CLUL1: variants seen among roughly 807,000 people sequenced by gnomAD.
CLUL1 encodes clusterin like 1.
CLUL1 carries 43 observed loss-of-function variants against 49.4 expected under a neutral mutation model. The ratio of observed to expected loss-of-function variants is 0.87; its 90% CI spans 0.68 to 1.12. The LOEUF is 1.12. Ranked by LOEUF, CLUL1 falls within the 50% of genes most tolerant of loss-of-function variation. CLUL1 has a pLI of 0.00. For synonymous variants in CLUL1, 192 were observed against 184.9 expected, an observed-to-expected ratio of 1.04 and a Z score of -0.31; for missense variants, 486 against 544.4, an observed-to-expected ratio of 0.89 and a Z score of 1.07.
intron 9 of CLUL1, among the ~76,000 whole-genome samples, chr18:645,725 C>T (rs1469521011): frequency 1.4e-5 from 2 of 139,576 alleles, no homozygotes; most frequent in African/African-American, 2.7e-5. Context: ...ACCCGGGAGG[C>T]AGAGCTTGCA....
At chr18:647,169 G>C (rs1199741873) in intron 9 of CLUL1, among the ~76,000 whole-genome samples, 4 of 148,506 alleles carry the variant, frequency 2.7e-5, no homozygotes, top group African/African-American at 9.9e-5. Flanking sequence ...GGATGGCATG[G>C]GCAAATACGG....
At chr18:630,899 G>C (rs1357661926) in intron 6 of CLUL1, among the ~76,000 whole-genome samples, 1 of 150,600 alleles carries the variant, frequency 6.6e-6, no homozygotes, top group Admixed American at 6.6e-5. Context: ...CTTGATTTTA[G>C]CCTAGGGAGA....
At chr18:622,531 T>G (rs2073520230) in intron 4 of CLUL1, among the ~76,000 whole-genome samples, 1 of 152,198 alleles carries the variant, frequency 6.6e-6, no homozygotes, top group Non-Finnish European at 1.5e-5. Flanking sequence ...ATCTGCCAGT[T>G]GGTACAATGT....
intron 9 of CLUL1, among the ~76,000 whole-genome samples, chr18:647,843 A>G (rs2074551889): frequency 6.6e-6 from 1 of 152,120 alleles, no homozygotes; most frequent in Admixed American, 6.5e-5. Context: ...CAACTCTTGT[A>G]AGTTGACATT....
In CLUL1 at chr18:618,891, T is replaced by A. The variant is rs1037617285; in HGVS notation, c.107-322T>A. 2.6e-5 allele frequency among the ~76,000 whole-genome samples: 4 copies of A among 151,904 alleles called. No individual in the cohort carries two copies. Among genetic ancestry groups the A allele is most frequent in the Admixed American group, 6.6e-5 (1 of 15,232 alleles). On this transcript the variant is annotated intron_variant, in intron 3 of 9. Coordinates refer to ENST00000692774, the MANE Select transcript of CLUL1 (RefSeq NM_001393344.1). This position sits in a 1 kb window ranked among gnomAD's most constrained non-coding sequence, Gnocchi z 4.2. ...TATAAATTATGAAGAAAATGCAAAA[T>A]TTTCTCTAATATAAACACACTTGAG...
At chr18:610,649 G>T (rs1211181377) in intron 2 of CLUL1, among the ~76,000 whole-genome samples, 1 of 152,168 alleles carries the variant, frequency 6.6e-6, no homozygotes, top group Non-Finnish European at 1.5e-5. Context: ...GACAGAGGAA[G>T]AAGGGTCAGG....
rs941102837 is a variant in CLUL1 at position 606,172 on chromosome 18, C to T, written c.-135-806C>T. On this transcript the variant is annotated intron_variant, in intron 1 of 9. Transcript: ENST00000692774. This position sits in a 1 kb window ranked among gnomAD's most constrained non-coding sequence, Gnocchi z 4.1. The stretch of plus-strand genomic sequence containing the variant: ...GGTATTTAGCGCCTCTGGCTGGGAA[C>T]GGCTTCCCCATGCTCCTAGGTCAGG... Among the ~76,000 whole-genome samples, 5 of 152,090 alleles carry T rather than the reference C, an allele frequency of 3.3e-5. No homozygotes were observed. Among genetic ancestry groups the T allele is most frequent in the African/African-American group, 4.8e-5 (2 of 41,424 alleles).
intron 4 of CLUL1, among the ~76,000 whole-genome samples, chr18:621,739 C>T (rs540205787): frequency 6.6e-6 from 1 of 152,314 alleles, no homozygotes; most frequent in East Asian, 1.9e-4. Flanking sequence ...TAACATGTTA[C>T]TCCAACACTG....
At chr18:608,338 C>G (rs753525608) in intron 2 of CLUL1, among the ~76,000 whole-genome samples, 1 of 152,156 alleles carries the variant, frequency 6.6e-6, no homozygotes, top group Non-Finnish European at 1.5e-5. Flanking sequence ...ATGTTTTATT[C>G]CAGAACCCTG....
At chr18:613,532 G>T (rs1022527771) in intron 2 of CLUL1, among the ~76,000 whole-genome samples, 1 of 150,548 alleles carries the variant, frequency 6.6e-6, no homozygotes, top group Non-Finnish European at 1.5e-5. Flanking sequence ...TCAGCTCACA[G>T]AAACCTCCGC....
chr18:641,154 TGACACAGATGTA>T (rs924276840), intron 7 of CLUL1, among the ~76,000 whole-genome samples, 161 bp from the exon 8 acceptor site: 3 of 152,184 alleles, frequency 2.0e-5, no homozygotes, highest in Admixed American at 1.3e-4. Context: ...GGATCTGGTT[TGACACAGATGTA>T]GACGATATTA....
chr18:641,437 G>C lies in CLUL1; in HGVS notation c.1105G>C (p.Glu369Gln). 4 of 1,614,202 alleles carry C rather than the reference G, an allele frequency of 2.5e-6. No individual in the cohort carries two copies. The highest frequency in any genetic ancestry group is 3.4e-6 in the Non-Finnish European group (4 of 1,180,036). The change falls in exon 8 of 10, where the codon GAG (glutamate) becomes CAG (glutamine). Residue 369 changes from glutamate to glutamine, a missense_variant. Glu to Gln is a conservative substitution (Grantham distance 29). Transcript: ENST00000692774. ...QILQMTRKHL[E>Q]DTAYLVEKMR... ...TCTCCAGATGACCCGGAAGCACTTG[G>C]AGGACACCGCCTATCTGGTGGAGAA...
intron 4 of CLUL1, among the ~76,000 whole-genome samples, chr18:622,896 G>A (rs2073538437): frequency 6.6e-6 from 1 of 152,094 alleles, no homozygotes; most frequent in African/African-American, 2.4e-5. Context: ...TAAGTAATTT[G>A]CCCAAGGGTA....
intron 5 of CLUL1, among the ~76,000 whole-genome samples, chr18:626,871 G>GA (rs369831644): frequency 0.019 from 5 of 262 alleles, no homozygotes; most frequent in Non-Finnish European, 0.041. Context: ...AAATAAGAAA[G>GA]AAAGAAAGAA....
At chr18:626,890 A>G (rs867951675) in intron 5 of CLUL1, among the ~76,000 whole-genome samples, 644 of 1,554 alleles carry the variant, frequency 0.41, 25 homozygotes, top group Non-Finnish European at 0.51. Context: ...AAAGAAAGAA[A>G]GAAAGAAAGA....
intron 7 of CLUL1, among the ~76,000 whole-genome samples, chr18:636,540 A>G (rs996267563): frequency 2.6e-5 from 4 of 151,990 alleles, no homozygotes; most frequent in Non-Finnish European, 5.9e-5. Context: ...AAATAAAAAA[A>G]TGAGTTTAAT....
intron 7 of CLUL1, among the ~76,000 whole-genome samples, chr18:634,107 C>T (rs1463887904): frequency 1.3e-5 from 2 of 151,884 alleles, no homozygotes; most frequent in Non-Finnish European, 2.9e-5. Flanking sequence ...CATCTGGGGG[C>T]GTTCAATGTA....
At position 606,860 on chromosome 18, in the gene CLUL1, C is replaced by CA; in HGVS notation, c.-135-117dup. Reference sequence around the variant, plus strand: ...TCTGCCTTCCCCCACCAGCACCCCCCACAAGGCAAGGCCAGTTCACCCTCA... The same window carrying CA: ...TCTGCCTTCCCCCACCAGCACCCCCCAACAAGGCAAGGCCAGTTCACCCTCA... On this transcript the variant is annotated intron_variant, in intron 1 of 9. Transcript: ENST00000692774. This position sits in a 1 kb window ranked among gnomAD's most constrained non-coding sequence, Gnocchi z 4.1. The CA allele has an allele frequency of 2.0e-6, 1 of 507,928 alleles. No individual in the cohort carries two copies. The highest frequency in any genetic ancestry group is 3.0e-5 in the East Asian group (1 of 33,520). The allele number at this position is 507,928 out of a possible 1,614,324, so 31.5% of individuals were successfully genotyped here. A position where few individuals can be genotyped will look rare whatever the true frequency, so the allele number is the denominator to read the frequency against.
At chr18:633,251 G>A (rs779124327) in intron 6 of CLUL1, 47 bp from the exon 7 acceptor site, 20 of 1,531,454 alleles carry the variant, frequency 1.3e-5, no homozygotes, top group Non-Finnish European at 1.7e-5. Flanking sequence ...CTTCTTCAAA[G>A]TGCAAACTCT....
Sources: allele counts gnomAD v4.1 joint callset (sites outside exome capture counted in the v4.1 genomes callset), GRCh38; gene constraint gnomAD v4.1.1; non-coding constraint Gnocchi (gnomAD v3.1); transcripts MANE v1.5; gene names NCBI Gene and HGNC (gene_info 2026-07-23, HGNC 2026-07-21).